EML5: variants seen among roughly 807,000 people sequenced by gnomAD.
EML5 encodes the protein echinoderm microtubule-associated protein-like 5.
EML5 carries 120 observed loss-of-function variants against 250.0 expected under a neutral mutation model. The observed-to-expected ratio is 0.48, with a 90% confidence interval of 0.41 to 0.56. EML5 has a LOEUF of 0.56. Among genes scored for constraint, EML5 ranks in the 20% least tolerant of loss-of-function variants. The probability of loss-of-function intolerance (pLI) is 0.00; values close to 1 mark genes in which losing one functional copy is unlikely to be tolerated. For missense variants in EML5, 2,006 were observed against 2,437.6 expected (o/e 0.82, Z 3.73); for synonymous variants, 771 against 806.5 (o/e 0.96, Z 0.75).
In EML5 at chr14:88,620,216, C is replaced by T. The variant is rs1016242107; in HGVS notation, c.5375+538G>A. On this transcript the variant is annotated intron_variant, in intron 39 of 43. Coordinates refer to ENST00000554922, the MANE Select transcript of EML5 (RefSeq NM_183387.3). This position sits in a 1 kb window ranked among gnomAD's most constrained non-coding sequence, Gnocchi z 4.3. ...GACCTAGATTCAATAATCTTATCTA[C>T]TGATCACACGGAAGTACTCCGTAAA... 4.6e-5 allele frequency: 7 copies of T among 152,200 alleles called. No homozygotes were observed. Among genetic ancestry groups the T allele is most frequent in the Non-Finnish European group, 1.0e-4 (7 of 68,040 alleles). 9.4% of individuals were successfully genotyped at this position (152,200 alleles called of 1,614,324 possible).
At chr14:88,694,075 T>C (rs895204131) in intron 17 of EML5, among the ~76,000 whole-genome samples, 3 of 151,894 alleles carry the variant, frequency 2.0e-5, no homozygotes, top group African/African-American at 7.3e-5. Flanking sequence ...GCCCAGCCAA[T>C]GTTGACATCT....
intron 1 of EML5, among the ~76,000 whole-genome samples, chr14:88,763,313 T>TA (rs1453544256): frequency 6.6e-6 from 1 of 151,762 alleles, no homozygotes; most frequent in South Asian, 2.1e-4. Flanking sequence ...TAAAAAATGA[T>TA]AAAGAGGATA....
At chr14:88,630,415 G>GT (rs763552884) in intron 33 of EML5, among the ~76,000 whole-genome samples, 7 of 152,140 alleles carry the variant, frequency 4.6e-5, no homozygotes, top group Admixed American at 1.3e-4. Context: ...TCTGTAGTGA[G>GT]TAACTCCTTA....
At chr14:88,621,338 A>G (rs1476283507) in intron 37 of EML5, 37 bp from the exon 38 acceptor site, 2 of 1,608,918 alleles carry the variant, frequency 1.2e-6, no homozygotes, top group Admixed American at 3.3e-5. Flanking sequence ...TGAATGTAAT[A>G]CAACAGCTGC....
chr14:88,688,459 C>T lies in EML5; in HGVS notation c.2554G>A (p.Gly852Arg). 2.5e-6 allele frequency: 4 copies of T among 1,613,838 alleles called. No individual in the cohort carries two copies. Among genetic ancestry groups the T allele is most frequent in the Non-Finnish European group, 3.4e-6 (4 of 1,179,876 alleles). ...AGTGTGCCTATGTAGCCTTTTCTTCCAATCAATCCTCCCCCTAGTTCACAA... is the reference window on the plus strand; with the variant it reads ...AGTGTGCCTATGTAGCCTTTTCTTCTAATCAATCCTCCCCCTAGTTCACAA... ...FWRKAGGGLI[G>R]RKGYIGTLGK... is the part of the protein sequence containing the mutation. The change falls in exon 18 of 44, where the codon GGA (glycine) becomes AGA (arginine). Residue 852 changes from glycine to arginine, a missense_variant. Around this residue, in one of 7 missense-constraint regions of EML5, gnomAD observed 1,375 missense variants for 1,590.3 expected, o/e 0.86. Transcript: ENST00000554922.
chr14:88,640,142 G>T (rs554926001), intron 31 of EML5, among the ~76,000 whole-genome samples: 2,170 of 152,220 alleles, frequency 0.014, 44 homozygotes, highest in African/African-American at 0.05. Context: ...CACTGATAGT[G>T]TTAGATCATC....
At chr14:88,622,503 A>G (rs1175662818) in intron 37 of EML5, 101 bp downstream of exon 37, 3 of 899,360 alleles carry the variant, frequency 3.3e-6, no homozygotes, top group Non-Finnish European at 4.8e-6. Flanking sequence ...ATCGTTATGC[A>G]TTATTAAGTA....
chr14:88,764,130 C>T (rs374558540), intron 1 of EML5, among the ~76,000 whole-genome samples: 69 of 152,094 alleles, frequency 4.5e-4, no homozygotes, highest in African/African-American at 1.3e-3. Flanking sequence ...ATCCTACTGA[C>T]GGATTTTATT....
At position 88,617,467 on chromosome 14, in the gene EML5, T is replaced by G. The variant is rs911622713; in HGVS notation, c.5643-588A>C. 5.3e-4 allele frequency: 80 copies of G among 152,298 alleles called. 5 individuals are homozygous for G. The allele number at this position is 152,298 out of a possible 1,614,324, so 9.4% of individuals were successfully genotyped here. A position where few individuals can be genotyped will look rare whatever the true frequency, so the allele number is the denominator to read the frequency against. ...GACTGAAAACTGATAGAACTATTTT[T>G]CAAATTAAAAGTGCTACTTGGCTGG... On this transcript the variant is annotated intron_variant, in intron 41 of 43. Transcript: ENST00000554922.
At chr14:88,759,020 G>A (rs1241352120) in intron 1 of EML5, among the ~76,000 whole-genome samples, 1 of 152,190 alleles carries the variant, frequency 6.6e-6, no homozygotes, top group Non-Finnish European at 1.5e-5. Context: ...GATAAGGACT[G>A]CTAATGAGCT....
intron 33 of EML5, among the ~76,000 whole-genome samples, chr14:88,633,689 A>C (rs1027156546): frequency 2.6e-5 from 4 of 152,322 alleles, no homozygotes; most frequent in Admixed American, 2.6e-4. Flanking sequence ...CCATTGTAGC[A>C]CAAAAGCTGC....
chr14:88,754,939 G>A (rs899291350), intron 1 of EML5, among the ~76,000 whole-genome samples: 8 of 152,084 alleles, frequency 5.3e-5, no homozygotes, highest in Non-Finnish European at 4.4e-5. Context: ...TGAGTAGCTG[G>A]GATTACAGGC....
At chr14:88,699,136 A>T (rs1402157107) in intron 14 of EML5, among the ~76,000 whole-genome samples, 1 of 152,158 alleles carries the variant, frequency 6.6e-6, no homozygotes, top group Non-Finnish European at 1.5e-5. Context: ...GAGAGTTCTC[A>T]GATAGGCTTA....
At chr14:88,720,639 G>C (rs1044154672) in intron 8 of EML5, among the ~76,000 whole-genome samples, 3 of 152,066 alleles carry the variant, frequency 2.0e-5, no homozygotes, top group Admixed American at 2.0e-4. Context: ...AAAATAATAA[G>C]CTGTTTATGA....
intron 7 of EML5, among the ~76,000 whole-genome samples, chr14:88,727,204 T>G (rs2093679448): frequency 6.6e-6 from 1 of 152,168 alleles, no homozygotes; most frequent in South Asian, 2.1e-4. Flanking sequence ...CTTTTTCCTC[T>G]TATGTCAACA....
rs1292936200 is a variant in EML5 at position 88,646,016 on chromosome 14, T to C, written c.4028+931A>G. Among the ~76,000 whole-genome samples, 4 of 152,316 alleles carry C rather than the reference T, an allele frequency of 2.6e-5. No individual in the cohort carries two copies. In the East Asian group the frequency reaches 7.7e-4, roughly 29 times the overall value. On this transcript the variant is annotated intron_variant, in intron 29 of 43. Coordinates refer to ENST00000554922, the MANE Select transcript of EML5 (RefSeq NM_183387.3). ...ATTTTTATCTCAACCATTATTCAAA[T>C]ACTGAATAACCGGAACATTGAATTT...
Position 88,744,452 on chromosome 14 carries a change from C to A in EML5, c.457-361G>T, listed in dbSNP as rs945453119. On this transcript the variant is annotated intron_variant, in intron 3 of 43. Coordinates refer to ENST00000554922, the MANE Select transcript of EML5 (RefSeq NM_183387.3). The stretch of plus-strand genomic sequence containing the variant: ...TACAGAAAAGAGATTCAGAATGGAA[C>A]GTGACACTTACACAGCCTAGAAATA... Among the ~76,000 whole-genome samples, 60 of 152,000 alleles carry A rather than the reference C, an allele frequency of 3.9e-4. 1 individual carries two copies. Among genetic ancestry groups the A allele is most frequent in the African/African-American group, 1.4e-3 (57 of 41,526 alleles).
At position 88,695,359 on chromosome 14, in the gene EML5, A is replaced by G; in HGVS notation, c.2438+2T>C. On this transcript the variant is annotated splice_donor_variant, in intron 16 of 43. Coordinates refer to ENST00000554922, the MANE Select transcript of EML5 (RefSeq NM_183387.3). LOFTEE classifies it high-confidence loss of function. ...AAATGTGATATCAAGTTTTTTTCCT[A>G]CCTTGCTATTGAAAGTTTCTCTCCT... 6.2e-7 allele frequency: 1 copy of G among 1,606,788 alleles called. No homozygotes were observed. The highest frequency in any genetic ancestry group is 8.5e-7 in the Non-Finnish European group (1 of 1,177,148).
intron 19 of EML5, among the ~76,000 whole-genome samples, chr14:88,686,761 T>C (rs1012968305): frequency 3.9e-5 from 6 of 152,052 alleles, no homozygotes; most frequent in Non-Finnish European, 1.5e-5. Context: ...CAGTGAGTTA[T>C]GATTGCACCA....
Sources: gnomAD v4.1 joint callset for allele counts (sites outside exome capture counted in the v4.1 genomes callset) on GRCh38, gnomAD v4.1.1 for gene constraint, gnomAD v4.1.1 regional missense constraint, Gnocchi (gnomAD v3.1) non-coding constraint, MANE v1.5 for transcripts, NCBI Gene and HGNC (gene_info 2026-07-23, HGNC 2026-07-21) for gene names.